The following PDGFD variants were observed in gnomAD, a reference collection of about 807,000 sequenced individuals.
PDGFD encodes platelet derived growth factor D.
PDGFD carries 30 observed loss-of-function variants against 44.7 expected under a neutral mutation model. That is an observed-to-expected ratio of 0.67 (90% confidence interval 0.50 to 0.91). The LOEUF is 0.91. Among genes scored for constraint, PDGFD ranks in the 40% least tolerant of loss-of-function variants. The pLI is 0.00. For synonymous variants in PDGFD, 173 were observed against 168.4 expected, an observed-to-expected ratio of 1.03 and a Z score of -0.21; for missense variants, 445 against 457.8, an observed-to-expected ratio of 0.97 and a Z score of 0.25.
At chr11:103,973,733 G>A (rs1859139380) in intron 3 of PDGFD, among the ~76,000 whole-genome samples, 1 of 152,100 alleles carries the variant, frequency 6.6e-6, no homozygotes, top group Admixed American at 6.6e-5. Context: ...CTAAGCAAAG[G>A]AAGTGACATT....
rs772485616 is a variant in PDGFD at position 103,927,111 on chromosome 11, A to G, written c.788T>C (p.Leu263Pro). ...ACTGTAACGCTTGGCATCATCATTG[A>G]GCCTATCCAGGTCAACTGTAAGCAA... ...DRKSKVDLDRLNDDAKRYSCT... is the reference protein window; with the variant it reads ...DRKSKVDLDRPNDDAKRYSCT... Residue 263 changes from leucine to proline, a missense_variant, in exon 6 of 7, where the codon CTC becomes CCC. Coordinates refer to ENST00000393158, the MANE Select transcript of PDGFD (RefSeq NM_025208.5). 8 of 1,614,100 alleles carry G rather than the reference A, an allele frequency of 5.0e-6. No individual in the cohort carries two copies. Among genetic ancestry groups the G allele is most frequent in the Non-Finnish European group, 6.8e-6 (8 of 1,179,972 alleles).
intron 1 of PDGFD, among the ~76,000 whole-genome samples, chr11:104,072,235 A>G (rs1860889573): frequency 6.6e-6 from 1 of 151,856 alleles, no homozygotes; most frequent in South Asian, 2.1e-4. Context: ...AAAACAAGGT[A>G]TGTCTTTTCA....
chr11:103,983,292 C>T lies in PDGFD; in HGVS notation c.510+12773G>A, dbSNP rs148824253. Among the ~76,000 whole-genome samples, 405 of 151,792 alleles carry T rather than the reference C, an allele frequency of 2.7e-3. 8 individuals are homozygous for T. Among genetic ancestry groups the T allele is most frequent in the African/African-American group, 7.4e-3 (303 of 41,138 alleles). On this transcript the variant is annotated intron_variant, in intron 3 of 6. Coordinates refer to ENST00000393158, the MANE Select transcript of PDGFD (RefSeq NM_025208.5). ...TCACCTACAACTATCTGATCTTTGA[C>T]AAACCTGACAAAAATAGGCAATGGG...
intron 1 of PDGFD, among the ~76,000 whole-genome samples, chr11:104,072,486 G>A (rs1272428574): frequency 6.6e-6 from 1 of 151,692 alleles, no homozygotes; most frequent in Non-Finnish European, 1.5e-5. Context: ...CATTGCTTCT[G>A]TAAGGTTTTT....
chr11:103,969,771 C>G (rs1427661123), intron 3 of PDGFD, among the ~76,000 whole-genome samples: 1 of 151,748 alleles, frequency 6.6e-6, no homozygotes, highest in Non-Finnish European at 1.5e-5. Flanking sequence ...AATACAGATT[C>G]TAGTAGCAAT....
intron 5 of PDGFD, among the ~76,000 whole-genome samples, chr11:103,929,059 G>C (rs1471830954): frequency 6.6e-6 from 1 of 152,114 alleles, no homozygotes; most frequent in East Asian, 1.9e-4. Context: ...GGCAGAGAGG[G>C]ACAGGACGCA....
At chr11:103,960,606 G>A (rs775271549) in intron 3 of PDGFD, among the ~76,000 whole-genome samples, 3 of 152,132 alleles carry the variant, frequency 2.0e-5, no homozygotes, top group East Asian at 1.9e-4. Flanking sequence ...TAATTCTAAT[G>A]TCCTACTCTT....
At chr11:104,144,342 C>T (rs1407513102) in intron 1 of PDGFD, among the ~76,000 whole-genome samples, 1 of 151,682 alleles carries the variant, frequency 6.6e-6, no homozygotes, top group Non-Finnish European at 1.5e-5. Context: ...CCCTGTCTTA[C>T]TAAAAATACA....
rs1488897184 is a variant in PDGFD at position 103,909,575 on chromosome 11, G to A, written c.*119C>T. 2 of 1,300,524 alleles carry A rather than the reference G, an allele frequency of 1.5e-6. No individual in the cohort carries two copies. The highest frequency in any genetic ancestry group is 2.2e-6 in the Non-Finnish European group (2 of 920,612). The allele number at this position is 1,300,524 out of a possible 1,614,324, so 80.6% of individuals were successfully genotyped here. ...CAAGGCTGAGACTCAGCAACCACTT[G>A]TGTTCATTGCATTGCAGGCTAGTAG... is the stretch of plus-strand genomic sequence containing the variant. On this transcript the variant is annotated 3_prime_UTR_variant, in exon 7 of 7. Transcript: ENST00000393158.
intron 1 of PDGFD, chr11:104,036,781 C>T (rs367740055): frequency 8.5e-6 from 13 of 1,521,006 alleles, no homozygotes; most frequent in African/African-American, 4.1e-5. Flanking sequence ...GCCAGTGAGC[C>T]GCCCATGCCC....
In PDGFD at chr11:104,141,247, C is replaced by T. The variant is rs552561642; in HGVS notation, c.124+22557G>A. On this transcript the variant is annotated intron_variant, in intron 1 of 6. Coordinates refer to ENST00000393158, the MANE Select transcript of PDGFD (RefSeq NM_025208.5). ...AGGTTTTCATTTGTTGTAGGTTGAA[C>T]GGTACCCATACTCCACAAAAAAAGA... Among the ~76,000 whole-genome samples the T allele has an allele frequency of 1.9e-4, 29 of 152,258 alleles. No homozygotes were observed. The South Asian group carries it at 5.2e-3, about 27-fold the overall frequency.
At chr11:104,040,579 C>T (rs564166276) in intron 1 of PDGFD, among the ~76,000 whole-genome samples, 26 of 151,908 alleles carry the variant, frequency 1.7e-4, no homozygotes, top group Non-Finnish European at 3.7e-4. Context: ...AGGCACTATG[C>T]AAGGTACTTT....
At chr11:104,143,379 G>A (rs1862114675) in intron 1 of PDGFD, among the ~76,000 whole-genome samples, 2 of 152,142 alleles carry the variant, frequency 1.3e-5, no homozygotes, top group African/African-American at 4.8e-5. Flanking sequence ...AATTAGAAAG[G>A]GATCTTGAGC....
intron 5 of PDGFD, among the ~76,000 whole-genome samples, chr11:103,937,867 T>C (rs1858517301): frequency 6.6e-6 from 1 of 152,032 alleles, no homozygotes; most frequent in South Asian, 2.1e-4. Flanking sequence ...TCCATGTCCC[T>C]ACAAAGGACA....
chr11:104,093,161 A>ACCT (rs1861234347), intron 1 of PDGFD, among the ~76,000 whole-genome samples: 1 of 152,104 alleles, frequency 6.6e-6, no homozygotes, highest in African/African-American at 2.4e-5. Flanking sequence ...CCCTTCTAGG[A>ACCT]GAATTTGATT....
At chr11:104,083,421 G>A (rs1274621823) in intron 1 of PDGFD, among the ~76,000 whole-genome samples, 2 of 152,160 alleles carry the variant, frequency 1.3e-5, no homozygotes, top group East Asian at 3.8e-4. Context: ...CATAAGAAAT[G>A]ACACATTCCA....
intron 3 of PDGFD, among the ~76,000 whole-genome samples, chr11:103,970,836 A>C (rs1464284919): frequency 6.6e-6 from 1 of 152,158 alleles, no homozygotes; most frequent in Non-Finnish European, 1.5e-5. Context: ...GAGAATATGT[A>C]GGCTCTGTAT....
chr11:104,059,426 A>C (rs564798789), intron 1 of PDGFD, among the ~76,000 whole-genome samples: 1 of 152,284 alleles, frequency 6.6e-6, no homozygotes, highest in Admixed American at 6.5e-5. Context: ...CATTATTTTG[A>C]TAAACTAAAT....
intron 1 of PDGFD, among the ~76,000 whole-genome samples, chr11:104,101,525 C>T (rs987233054): frequency 3.9e-5 from 6 of 152,070 alleles, no homozygotes; most frequent in African/African-American, 1.4e-4. Flanking sequence ...AGATTCAATG[C>T]CATCCCCATC....
Sources: allele counts gnomAD v4.1 joint callset (sites outside exome capture counted in the v4.1 genomes callset), GRCh38; gene constraint gnomAD v4.1.1; transcripts MANE v1.5; gene names NCBI Gene and HGNC (gene_info 2026-07-23, HGNC 2026-07-21).